RBMS3: variants seen among roughly 807,000 people sequenced by gnomAD.
RBMS3 encodes RNA-binding motif, single-stranded-interacting protein 3.
Under a neutral mutation model 66.8 loss-of-function variants are expected in RBMS3, and 27 were observed. That is an observed-to-expected ratio of 0.40 (90% confidence interval 0.30 to 0.56). The LOEUF (loss-of-function observed/expected upper bound fraction) is 0.56. Ranked by LOEUF, RBMS3 falls within the 20% of genes least tolerant of loss-of-function variation. The pLI is 0.40. For synonymous variants in RBMS3, 188 were observed against 183.0 expected (o/e 1.03, Z -0.22); for missense variants, 513 against 549.5 (o/e 0.93, Z 0.66).
At chr3:29,557,513 T>C (rs538745352) in intron 3 of RBMS3, among the ~76,000 whole-genome samples, 33 of 152,230 alleles carry the variant, frequency 2.2e-4, no homozygotes, top group African/African-American at 7.5e-4. Context: ...AGTAGGAGCA[T>C]TTGCTTGGAA....
At position 29,587,190 on chromosome 3, in the gene RBMS3, G is replaced by A. The variant is rs376032843; in HGVS notation, c.384G>A (p.Gln128=). 8.4e-6 allele frequency: 13 copies of A among 1,548,280 alleles called. No homozygotes were observed. Among genetic ancestry groups the A allele is most frequent in the Non-Finnish European group, 9.7e-6 (11 of 1,135,752 alleles). Residue 128 remains glutamine (Q), a synonymous_variant, in exon 4 of 15, where the codon CAG becomes CAA. Coordinates refer to ENST00000383767, the MANE Select transcript of RBMS3 (RefSeq NM_001003793.3). The part of the protein sequence containing the change: ...AVASLKANGV[Q]AQMAKQQEQD... ...CATCTCTCAAGGCAAATGGCGTGCA[G>A]GCACAGATGGCTAAGGTAAGATTGA...
At chr3:29,362,430 C>T (rs939456340) in intron 1 of RBMS3, among the ~76,000 whole-genome samples, 2 of 152,162 alleles carry the variant, frequency 1.3e-5, no homozygotes, top group Non-Finnish European at 1.5e-5. Flanking sequence ...GAGGAGTACC[C>T]GGCCTTGTGA....
chr3:30,000,192 T>G (rs1418441109), intron 14 of RBMS3, among the ~76,000 whole-genome samples: 1 of 151,566 alleles, frequency 6.6e-6, no homozygotes, highest in Non-Finnish European at 1.5e-5. Flanking sequence ...TTGAACAAAT[T>G]TACAAGAAAA....
chr3:29,299,723 A>G (rs1382412944), intron 1 of RBMS3, among the ~76,000 whole-genome samples: 1 of 151,994 alleles, frequency 6.6e-6, no homozygotes, highest in African/African-American at 2.4e-5. Flanking sequence ...GAGGATATGC[A>G]TAAGTTATAT....
At chr3:29,369,497 C>CACACAT (rs1417474762) in intron 1 of RBMS3, among the ~76,000 whole-genome samples, 1 of 63,440 alleles carries the variant, frequency 1.6e-5, no homozygotes, top group Non-Finnish European at 4.0e-5. Flanking sequence ...AACACACACA[C>CACACAT]ACACACACAC....
intron 1 of RBMS3, among the ~76,000 whole-genome samples, chr3:29,351,508 G>C (rs116490234): frequency 6.6e-6 from 1 of 151,886 alleles, no homozygotes; most frequent in East Asian, 1.9e-4. Context: ...TCATTACAAA[G>C]GAGGATAAAA....
intron 3 of RBMS3, among the ~76,000 whole-genome samples, chr3:29,544,536 C>G (rs1426368748): frequency 6.6e-6 from 1 of 151,926 alleles, no homozygotes; most frequent in African/African-American, 2.4e-5. Flanking sequence ...TTAAATGTTA[C>G]CTGTCTCAGT....
intron 7 of RBMS3, among the ~76,000 whole-genome samples, chr3:29,879,297 C>T (rs1452801790): frequency 6.6e-6 from 1 of 152,106 alleles, no homozygotes; most frequent in Non-Finnish European, 1.5e-5. Flanking sequence ...AATTTTACTT[C>T]AGTAGCAGTA....
intron 1 of RBMS3, among the ~76,000 whole-genome samples, chr3:29,398,895 T>TG (rs1203606610): frequency 3.3e-5 from 5 of 152,130 alleles, no homozygotes; most frequent in Non-Finnish European, 7.4e-5. Flanking sequence ...AGAGGACGAT[T>TG]GGTTTTGTTT....
rs556511427 is a variant in RBMS3 at position 29,914,403 on chromosome 3, T to C, written c.939+14648T>C. Among the ~76,000 whole-genome samples the C allele has an allele frequency of 1.5e-3, 222 of 152,008 alleles. 3 individuals carry two copies. The highest frequency in any genetic ancestry group is 4.8e-3 in the African/African-American group (199 of 41,522). On this transcript the variant is annotated intron_variant, in intron 10 of 14. Transcript: ENST00000383767. The stretch of plus-strand genomic sequence containing the variant: ...GTTTGCCACCCAAGAAGGGTAGTAA[T>C]AAACTTATGAGTCATTTATTCCTGC...
At chr3:29,571,478 A>G (rs780973057) in intron 3 of RBMS3, among the ~76,000 whole-genome samples, 1 of 152,184 alleles carries the variant, frequency 6.6e-6, no homozygotes, top group Non-Finnish European at 1.5e-5. Flanking sequence ...GTCAAGTCTC[A>G]TTCTTCTGTA....
chr3:29,414,114 G>A (rs1177982924), intron 1 of RBMS3, among the ~76,000 whole-genome samples: 1 of 152,136 alleles, frequency 6.6e-6, no homozygotes, highest in Admixed American at 6.5e-5. Flanking sequence ...GGTAACTTGT[G>A]TCCTTTCTAA....
At chr3:29,747,572 C>T (rs1394227965) in intron 5 of RBMS3, among the ~76,000 whole-genome samples, 2 of 152,110 alleles carry the variant, frequency 1.3e-5, no homozygotes, top group African/African-American at 2.4e-5. Flanking sequence ...CAACATTCTA[C>T]TGGATTGGGG....
intron 6 of RBMS3, among the ~76,000 whole-genome samples, chr3:29,777,038 G>A (rs1186732033): frequency 1.3e-5 from 2 of 151,774 alleles, no homozygotes; most frequent in Non-Finnish European, 2.9e-5. Context: ...AAATTTGTAT[G>A]ATCCCAAACT....
Position 29,609,167 on chromosome 3 carries a change from A to T in RBMS3, c.399+21962A>T, listed in dbSNP as rs1400631589. Reference sequence around the variant, plus strand: ...AACTCATCTATCAAATGAATATAAAAGTTTCTAAATGCTTACTCTGCATTT... The same window carrying T: ...AACTCATCTATCAAATGAATATAAATGTTTCTAAATGCTTACTCTGCATTT... On this transcript the variant is annotated intron_variant, in intron 4 of 14. Transcript: ENST00000383767. Among the ~76,000 whole-genome samples the T allele has an allele frequency of 2.0e-5, 3 of 152,096 alleles. No individual in the cohort carries two copies. The East Asian group carries it at 5.8e-4, about 29-fold the overall frequency.
chr3:29,937,172 C>T (rs1250620947), intron 11 of RBMS3, among the ~76,000 whole-genome samples: 1 of 151,966 alleles, frequency 6.6e-6, no homozygotes, highest in East Asian at 1.9e-4. Context: ...TAGTTTCTGT[C>T]AATTTTTGGG....
intron 14 of RBMS3, chr3:29,991,771 G>GGAAACTGAAT (rs1368964554): frequency 6.6e-6 from 1 of 152,192 alleles, no homozygotes; most frequent in African/African-American, 2.4e-5. Context: ...AAACTGAATA[G>GGAAACTGAAT]AGTCTCAGTC....
chr3:29,514,957 T>A (rs1288631455), intron 3 of RBMS3, among the ~76,000 whole-genome samples: 1 of 152,030 alleles, frequency 6.6e-6, no homozygotes, highest in African/African-American at 2.4e-5. Context: ...GATGTCAACG[T>A]TACCAGCATT....
At chr3:29,848,193 A>G (rs2058837861) in intron 6 of RBMS3, among the ~76,000 whole-genome samples, 1 of 152,180 alleles carries the variant, frequency 6.6e-6, no homozygotes, top group Non-Finnish European at 1.5e-5. Flanking sequence ...AAGGCAGCCT[A>G]TGTGAGGTTT....
Sources: gnomAD v4.1 joint callset for allele counts (sites outside exome capture counted in the v4.1 genomes callset) on GRCh38, gnomAD v4.1.1 for gene constraint, MANE v1.5 for transcripts, NCBI Gene and HGNC (gene_info 2026-07-23, HGNC 2026-07-21) for gene names.